The following DAB1 variants were observed in gnomAD, a reference collection of about 807,000 sequenced individuals.
DAB1 encodes the protein DAB adaptor protein 1.
In DAB1, 15 loss-of-function variants were observed where a neutral mutation model predicts 64.6. The observed-to-expected ratio is 0.23, with a 90% CI of 0.16 to 0.36. DAB1 has a LOEUF of 0.36. Among genes scored for constraint, DAB1 ranks in the 10% least tolerant of loss-of-function variants. The pLI is 1.00. For missense variants in DAB1, 596 were observed against 706.7 expected, an observed-to-expected ratio of 0.84 and a Z score of 1.78; for synonymous variants, 235 against 251.9, an observed-to-expected ratio of 0.93 and a Z score of 0.64.
At chr1:57,225,195 G>A (rs1667170242) in intron 2 of DAB1, among the ~76,000 whole-genome samples, 1 of 152,180 alleles carries the variant, frequency 6.6e-6, no homozygotes, top group African/African-American at 2.4e-5. Flanking sequence ...TCTACAATCA[G>A]AATGGGGTCA....
intron 4 of DAB1, among the ~76,000 whole-genome samples, chr1:58,171,397 T>C (rs557568556): frequency 6.6e-6 from 1 of 152,310 alleles, no homozygotes; most frequent in South Asian, 2.1e-4. Context: ...AATGCAGCAG[T>C]CCCTGCAACA....
At chr1:57,741,743 C>T (rs867672000) in intron 6 of DAB1, among the ~76,000 whole-genome samples, 10 of 152,140 alleles carry the variant, frequency 6.6e-5, no homozygotes, top group South Asian at 4.1e-4. Context: ...CTTCCACTGC[C>T]GAGTGAGAAA....
At chr1:57,989,249 C>T (rs1646291928) in intron 5 of DAB1, among the ~76,000 whole-genome samples, 2 of 152,134 alleles carry the variant, frequency 1.3e-5, no homozygotes, top group Admixed American at 1.3e-4. Flanking sequence ...CCTGATCCCC[C>T]TCCTCTCGCT....
intron 7 of DAB1, among the ~76,000 whole-genome samples, chr1:57,531,909 CT>C (rs577572404): frequency 3.0e-4 from 46 of 152,302 alleles, no homozygotes; most frequent in Admixed American, 2.4e-3. Context: ...AGCATTTCTA[CT>C]GGCTACCTAT....
chr1:58,346,161 A>G (rs1251622641), intron 3 of DAB1, among the ~76,000 whole-genome samples: 1 of 152,222 alleles, frequency 6.6e-6, no homozygotes, highest in Non-Finnish European at 1.5e-5. Context: ...CCATACAGAC[A>G]CTAAATCCAT....
chr1:57,709,288 T>G lies in DAB1; in HGVS notation n.552-59623A>C, dbSNP rs143354019. ...TACTATTTAATCCAGTCATGGAGTT[T>G]ATTTTAATGACTATAGTTTACATTG... On this transcript the variant is annotated intron_variant and non_coding_transcript_variant, in intron 6 of 20. Coordinates refer to the DAB1 transcript ENST00000485760. Among the ~76,000 whole-genome samples the G allele has an allele frequency of 2.2e-3, 329 of 152,350 alleles. 1 individual carries two copies. The highest frequency in any genetic ancestry group is 7.1e-3 in the African/African-American group (294 of 41,596).
At chr1:58,390,310 G>A (rs1202872589) in intron 3 of DAB1, among the ~76,000 whole-genome samples, 2 of 152,198 alleles carry the variant, frequency 1.3e-5, no homozygotes, top group South Asian at 2.1e-4. Context: ...CCTCTCAGGG[G>A]ACTTATTACC....
chr1:57,277,448 A>T (rs1671556185), intron 2 of DAB1, among the ~76,000 whole-genome samples: 1 of 152,190 alleles, frequency 6.6e-6, no homozygotes, highest in Non-Finnish European at 1.5e-5. Context: ...ACCAAAAGCC[A>T]CTGGGCACTG....
chr1:58,339,940 C>T (rs1185506181), intron 4 of DAB1, among the ~76,000 whole-genome samples: 2 of 152,086 alleles, frequency 1.3e-5, no homozygotes, highest in Non-Finnish European at 2.9e-5. Context: ...AATATTTCTT[C>T]AATTTTATAA....
In DAB1 at chr1:57,007,496, C is replaced by T. The variant is rs573265049; in HGVS notation, c.*15+3184G>A. On this transcript the variant is annotated intron_variant, in intron 14 of 14. Transcript: ENST00000371236. ...CAGTCTTTCAAAGACACGTGATTCT[C>T]CCAGATGGGAGGGTAGGGGGAAAAA... is the stretch of plus-strand genomic sequence containing the variant. Among the ~76,000 whole-genome samples, 34 of 152,216 alleles carry T rather than the reference C, an allele frequency of 2.2e-4. 2 individuals are homozygous for T. The South Asian group carries it at 3.9e-3, about 18-fold the overall frequency.
chr1:58,220,898 T>C (rs1394837468), intron 4 of DAB1, among the ~76,000 whole-genome samples: 3 of 151,782 alleles, frequency 2.0e-5, no homozygotes, highest in African/African-American at 7.3e-5. Context: ...CACATATATA[T>C]ATTATCAATG....
chr1:57,661,837 G>A lies in DAB1; in HGVS notation n.552-12172C>T, dbSNP rs552288836. Among the ~76,000 whole-genome samples the A allele has an allele frequency of 7.2e-5, 11 of 151,944 alleles. No individual in the cohort carries two copies. In the East Asian group the frequency reaches 1.2e-3, roughly 16 times the overall value. On this transcript the variant is annotated intron_variant and non_coding_transcript_variant, in intron 6 of 20. Coordinates refer to the DAB1 transcript ENST00000485760. ...TTTTTAAAAAACATATTTTTGATTC[G>A]TGGTTGGTGGGACCTGCAGTTAGTA...
intron 2 of DAB1, among the ~76,000 whole-genome samples, chr1:57,251,401 C>T (rs1229316506): frequency 6.6e-6 from 1 of 152,182 alleles, no homozygotes; most frequent in Non-Finnish European, 1.5e-5. Flanking sequence ...AGGATGTACA[C>T]CGTTTCATCT....
intron 1 of DAB1, among the ~76,000 whole-genome samples, chr1:57,359,194 C>A (rs1057017984): frequency 6.6e-6 from 1 of 151,954 alleles, no homozygotes; most frequent in Non-Finnish European, 1.5e-5. Context: ...AACTATATAT[C>A]TGATAAGAGG....
At chr1:58,454,529 G>T (rs1333771605) in intron 3 of DAB1, among the ~76,000 whole-genome samples, 1 of 152,198 alleles carries the variant, frequency 6.6e-6, no homozygotes, top group Non-Finnish European at 1.5e-5. Flanking sequence ...TGTCAGGGCA[G>T]GCTAGGGGCG....
upstream of DAB1, among the ~76,000 whole-genome samples, chr1:57,427,016 A>C (rs1685317141): frequency 6.6e-6 from 1 of 151,478 alleles, no homozygotes; most frequent in African/African-American, 2.4e-5. Context: ...GGAGCCCGCC[A>C]CCGCTCCCGG....
At chr1:57,311,539 C>T (rs910872049) in intron 1 of DAB1, among the ~76,000 whole-genome samples, 18 of 152,080 alleles carry the variant, frequency 1.2e-4, no homozygotes, top group Admixed American at 1.1e-3. Flanking sequence ...CACACACACA[C>T]ACCACTTCTT....
intron 1 of DAB1, among the ~76,000 whole-genome samples, chr1:58,529,492 A>G (rs1472044234): frequency 1.3e-5 from 2 of 152,250 alleles, no homozygotes; most frequent in African/African-American, 4.8e-5. Flanking sequence ...ATACATAAGC[A>G]CTAAAAACAA....
intron 4 of DAB1, among the ~76,000 whole-genome samples, chr1:58,325,040 C>A (rs941560923): frequency 6.6e-6 from 1 of 152,190 alleles, no homozygotes; most frequent in East Asian, 1.9e-4. Context: ...AGGCAGCAGT[C>A]GCCAATAGGT....
Sources: allele counts gnomAD v4.1 joint callset (sites outside exome capture counted in the v4.1 genomes callset), GRCh38; gene constraint gnomAD v4.1.1; transcripts MANE v1.5; gene names NCBI Gene and HGNC (gene_info 2026-07-23, HGNC 2026-07-21).